TUFM: variants seen among roughly 807,000 people sequenced by gnomAD.
TUFM encodes the protein Tu translation elongation factor, mitochondrial.
Under a neutral mutation model 45.0 loss-of-function variants are expected in TUFM, and 23 were observed. That is an observed-to-expected ratio of 0.51 (90% confidence interval 0.37 to 0.72). TUFM has a LOEUF of 0.72. TUFM is among the 30% of genes least tolerant of loss of function. The probability of loss-of-function intolerance (pLI) is 0.00; values close to 1 mark genes in which losing one functional copy is unlikely to be tolerated. For synonymous variants in TUFM, 243 were observed against 252.9 expected, an observed-to-expected ratio of 0.96 and a Z score of 0.37; for missense variants, 490 against 610.7, an observed-to-expected ratio of 0.80 and a Z score of 2.08.
chr16:28,845,895 G>A lies in TUFM; in HGVS notation c.247+17C>T, dbSNP rs1265005173. 1.9e-6 allele frequency: 3 copies of A among 1,612,988 alleles called. No individual in the cohort carries two copies. In the South Asian group the frequency reaches 3.3e-5, roughly 18 times the overall value. ...ATCAGTAGATAGGGCGCTGCTGGAC[G>A]CCCCAACCCCACTCACTCTTCGTGA... On this transcript the variant is annotated intron_variant, in intron 2 of 9. Transcript: ENST00000313511.
Position 28,846,271 on chromosome 16 carries a change from C to T in TUFM, c.-2G>A. 1 of 1,557,378 alleles carries T rather than the reference C, an allele frequency of 6.4e-7. No individual in the cohort carries two copies. Among genetic ancestry groups the T allele is most frequent in the Non-Finnish European group, 8.7e-7 (1 of 1,150,010 alleles). On this transcript the variant is annotated 5_prime_UTR_variant, in exon 1 of 10. Coordinates refer to ENST00000313511, the MANE Select transcript of TUFM (RefSeq NM_003321.5). ...GGTGGCGGCCGCCATTGTGGTCATA[C>T]TCGCGCCCCGGTAACCGGGGAGCCG... is the stretch of plus-strand genomic sequence containing the variant.
Position 28,846,239 on chromosome 16 carries a change from G to A in TUFM, c.31C>T (p.Arg11Cys). MTTMAAATLLRATPHFSGLAA... is the reference protein window; with the variant it reads MTTMAAATLLCATPHFSGLAA... ...TCACCGCTGAAGTGGGGCGTCGCGCGCAGCAGGGTGGCGGCCGCCATTGTG... is the reference window on the plus strand; with the variant it reads ...TCACCGCTGAAGTGGGGCGTCGCGCACAGCAGGGTGGCGGCCGCCATTGTG... The change falls in exon 1 of 10, where the codon CGC becomes TGC. Residue 11 changes from arginine to cysteine, a missense_variant. Arg to Cys is a radical substitution (Grantham distance 180). Coordinates refer to ENST00000313511, the MANE Select transcript of TUFM (RefSeq NM_003321.5). 1 of 1,568,976 alleles carries A rather than the reference G, an allele frequency of 6.4e-7. No individual in the cohort carries two copies. Among genetic ancestry groups the A allele is most frequent in the African/African-American group, 1.4e-5 (1 of 73,774 alleles).
At chr16:28,846,141 G>A in intron 1 of TUFM, 35 bp from the exon 2 acceptor site, 1 of 1,611,602 alleles carries the variant, frequency 6.2e-7, no homozygotes, top group Non-Finnish European at 8.5e-7. Context: ...AGGCAGGGAA[G>A]GGGTCAGACC....
Position 28,846,102 on chromosome 16 carries a change from G to C in TUFM, c.57C>G (p.Leu19=). ...LLRATPHFSG[L]AAGRTFLLQG... ...GCAGCAGGAAGGTCCGGCCGGCGGCGAGACCTGCCGGGACCGAAGCTTGGA... is the reference window on the plus strand; with the variant it reads ...GCAGCAGGAAGGTCCGGCCGGCGGCCAGACCTGCCGGGACCGAAGCTTGGA... The change falls in exon 2 of 10, where the codon CTC becomes CTG. Residue 19 remains leucine (L), a synonymous_variant. Transcript: ENST00000313511. The C allele has an allele frequency of 6.2e-7, 1 of 1,613,452 alleles. No individual in the cohort carries two copies. Among genetic ancestry groups the C allele is most frequent in the South Asian group, 1.1e-5 (1 of 91,056 alleles).
chr16:28,844,494 T>C lies in TUFM; in HGVS notation c.742A>G (p.Thr248Ala), dbSNP rs1961881427. 6.2e-7 allele frequency: 1 copy of C among 1,613,984 alleles called. No individual in the cohort carries two copies. Among genetic ancestry groups the C allele is most frequent in the Admixed American group, 1.7e-5 (1 of 59,996 alleles). The change falls in exon 6 of 10, where the codon ACT becomes GCT. Residue 248 changes from threonine (T) to alanine (A), a missense_variant. Thr to Ala is a moderately conservative substitution (Grantham distance 58). Coordinates refer to ENST00000313511, the MANE Select transcript of TUFM (RefSeq NM_003321.5). This position sits in a 1 kb window ranked among gnomAD's most constrained non-coding sequence, Gnocchi z 5.8. ...SVQKLLDAVD[T>A]YIPVPARDLE... ...TCCCGGGCGGGCACTGGGATGTAAG[T>C]GTCCACAGCATCCAGTAGCTTCTGC...
chr16:28,842,853 T>C lies in TUFM; in HGVS notation c.*122A>G. On this transcript the variant is annotated 3_prime_UTR_variant, in exon 10 of 10. Transcript: ENST00000313511. Reference sequence around the variant, plus strand: ...GGCCAACCCTTCCGAGCAGGGGAAATGTCCATCTAGCTGCCCTCTGCTGGG... The same window carrying C: ...GGCCAACCCTTCCGAGCAGGGGAAACGTCCATCTAGCTGCCCTCTGCTGGG... 1.5e-6 allele frequency: 2 copies of C among 1,306,718 alleles called. No homozygotes were observed. The highest frequency in any genetic ancestry group is 1.1e-6 in the Non-Finnish European group (1 of 907,682). The allele number at this position is 1,306,718 out of a possible 1,614,324, so 80.9% of individuals were successfully genotyped here.
Position 28,844,195 on chromosome 16 carries a change from A to G in TUFM, c.922+35T>C, listed in dbSNP as rs377441632. ...ATCTGCCGGGGTAAGGCCACCCTTC[A>G]GCCAGGCCCTGCTCTCCAGACTGGC... On this transcript the variant is annotated intron_variant, in intron 7 of 9. Coordinates refer to ENST00000313511, the MANE Select transcript of TUFM (RefSeq NM_003321.5). This position sits in a 1 kb window ranked among gnomAD's most constrained non-coding sequence, Gnocchi z 5.8. 6.2e-7 allele frequency: 1 copy of G among 1,613,632 alleles called. No individual in the cohort carries two copies. The highest frequency in any genetic ancestry group is 8.5e-7 in the Non-Finnish European group (1 of 1,179,634).
At chr16:28,845,568 A>G in intron 2 of TUFM, 88 bp from the exon 3 acceptor site, 1 of 1,473,776 alleles carries the variant, frequency 6.8e-7, no homozygotes, top group Admixed American at 1.8e-5. Context: ...TCCCACCTAA[A>G]TACATAACCT....
Position 28,845,049 on chromosome 16 carries a change from T to G in TUFM, c.421A>C (p.Ile141Leu). ...CCGTCGAGGGGTGCAGTGCCTGTGA[T>G]CATATTCTGGAGAGGAGAAGGAAAG... ...PGHADYVKNMITGTAPLDGCI... is the reference protein window; with the variant it reads ...PGHADYVKNMLTGTAPLDGCI... The change falls in exon 4 of 10, where the codon ATC becomes CTC. Residue 141 changes from isoleucine to leucine, a missense_variant. By Grantham distance (5) the Ile-to-Leu change is conservative (BLOSUM62 2). Transcript: ENST00000313511. 2 of 1,614,060 alleles carry G rather than the reference T, an allele frequency of 1.2e-6. No individual in the cohort carries two copies. Among genetic ancestry groups the G allele is most frequent in the Non-Finnish European group, 1.7e-6 (2 of 1,180,020 alleles).
At position 28,845,341 on chromosome 16, in the gene TUFM, G is replaced by A. The variant is rs1421424065; in HGVS notation, c.387C>T (p.Asp129=). Residue 129 remains aspartate (D), a synonymous_variant, in exon 3 of 10, where the codon GAC becomes GAT. Coordinates refer to ENST00000313511, the MANE Select transcript of TUFM (RefSeq NM_003321.5). ...STAARHYAHT[D]CPGHADYVKN... is the part of the protein sequence containing the mutation. ...TAACATAATCTGCATGACCCGGGCA[G>A]TCTGTGTGGGCGTAGTGGCGGGCGG... The A allele has an allele frequency of 6.2e-7, 1 of 1,614,048 alleles. No homozygotes were observed. The highest frequency in any genetic ancestry group is 2.2e-5 in the East Asian group (1 of 44,886).
chr16:28,844,880 A>T lies in TUFM; in HGVS notation c.520-18T>A. 1 of 1,614,130 alleles carries T rather than the reference A, an allele frequency of 6.2e-7. No homozygotes were observed. The highest frequency in any genetic ancestry group is 8.5e-7 in the Non-Finnish European group (1 of 1,180,020). On this transcript the variant is annotated intron_variant, in intron 4 of 9. Coordinates refer to ENST00000313511, the MANE Select transcript of TUFM (RefSeq NM_003321.5). This position sits in a 1 kb window ranked among gnomAD's most constrained non-coding sequence, Gnocchi z 5.8. ...ACCCCAATCTGTAGATGCCAGAGAG[A>T]CAGGGACAATATACAGAGGGGCCCA...
chr16:28,844,495 G>A lies in TUFM; in HGVS notation c.741C>T (p.Asp247=). 2 of 1,614,106 alleles carry A rather than the reference G, an allele frequency of 1.2e-6. No individual in the cohort carries two copies. The highest frequency in any genetic ancestry group is 8.5e-7 in the Non-Finnish European group (1 of 1,180,032). Residue 247 remains aspartate, a synonymous_variant, in exon 6 of 10, where the codon GAC becomes GAT. Transcript: ENST00000313511. This position sits in a 1 kb window ranked among gnomAD's most constrained non-coding sequence, Gnocchi z 5.8. ...CCCGGGCGGGCACTGGGATGTAAGT[G>A]TCCACAGCATCCAGTAGCTTCTGCA... The part of the protein sequence containing the change: ...KSVQKLLDAV[D]TYIPVPARDL...
Position 28,845,028 on chromosome 16 carries a change from C to A in TUFM, c.442G>T (p.Asp148Tyr). The change falls in exon 4 of 10, where the codon GAC becomes TAC. Residue 148 changes from aspartate to tyrosine, a missense_variant. Physicochemically the swap from Asp to Tyr is radical, Grantham distance 160 (BLOSUM62 -3). Coordinates refer to ENST00000313511, the MANE Select transcript of TUFM (RefSeq NM_003321.5). ...GCTGCTACCACCAGGATGCAGCCGT[C>A]GAGGGGTGCAGTGCCTGTGATCATA... The part of the protein sequence containing the change: ...KNMITGTAPL[D>Y]GCILVVAAND... The A allele has an allele frequency of 6.2e-7, 1 of 1,614,074 alleles. No homozygotes were observed. The highest frequency in any genetic ancestry group is 1.1e-5 in the South Asian group (1 of 91,066).
At chr16:28,843,216 TAC>T (rs1156681013) in intron 9 of TUFM, 68 bp from the exon 10 acceptor site, 1 of 1,550,104 alleles carries the variant, frequency 6.5e-7, no homozygotes, top group African/African-American at 1.4e-5. Context: ...CTTTTTTGGC[TAC>T]CTCGGAGGTT....
At chr16:28,843,918 C>T (rs766991738) in intron 8 of TUFM, 32 bp downstream of exon 8, 41 of 1,613,944 alleles carry the variant, frequency 2.5e-5, no homozygotes, top group Non-Finnish European at 3.5e-5. Context: ...GAGCTTGGCT[C>T]AACCCTGCCC....
In TUFM at chr16:28,844,400, G is replaced by A. The variant is rs376530137; in HGVS notation, c.817+19C>T. 1 of 1,614,158 alleles carries A rather than the reference G, an allele frequency of 6.2e-7. No homozygotes were observed. Among genetic ancestry groups the A allele is most frequent in the Non-Finnish European group, 8.5e-7 (1 of 1,180,024 alleles). ...GGCTTCTGCTAGAGAGAGTGCGTGG[G>A]AACAGACAGAGTCCTCACCAGGGAC... On this transcript the variant is annotated intron_variant, in intron 6 of 9. Coordinates refer to ENST00000313511, the MANE Select transcript of TUFM (RefSeq NM_003321.5). This position sits in a 1 kb window ranked among gnomAD's most constrained non-coding sequence, Gnocchi z 5.8.
At chr16:28,845,254 A>G (rs1225395758) in intron 3 of TUFM, 60 bp downstream of exon 3, 1 of 1,612,426 alleles carries the variant, frequency 6.2e-7, no homozygotes, top group African/African-American at 1.3e-5. Context: ...CACAAGCCTA[A>G]CATTTATCCT....
intron 2 of TUFM, 66 bp from the exon 3 acceptor site, chr16:28,845,546 G>C (rs899213678): frequency 2.3e-5 from 37 of 1,590,204 alleles, no homozygotes; most frequent in Non-Finnish European, 3.1e-5. Context: ...CTTAGACCAC[G>C]CCCCTGAACC....
chr16:28,845,274 C>CA, intron 3 of TUFM, 40 bp downstream of exon 3: 1 of 1,613,704 alleles, frequency 6.2e-7, no homozygotes, highest in Non-Finnish European at 8.5e-7. Flanking sequence ...TGACAAGAGG[C>CA]AGCTTCTGGC....
Sources: allele counts gnomAD v4.1 joint callset, GRCh38; gene constraint gnomAD v4.1.1; non-coding constraint Gnocchi (gnomAD v3.1); transcripts MANE v1.5; gene names NCBI Gene and HGNC (gene_info 2026-07-23, HGNC 2026-07-21).